The following DIP2C variants were observed in gnomAD, a reference collection of about 807,000 sequenced individuals.
DIP2C encodes DIP2 acetate--CoA ligase C (putative).
Under a neutral mutation model 192.4 loss-of-function variants are expected in DIP2C, and 33 were observed. The ratio of observed to expected loss-of-function variants is 0.17; its 90% CI spans 0.13 to 0.23. The LOEUF (loss-of-function observed/expected upper bound fraction) is 0.23. DIP2C is among the 10% of genes least tolerant of loss of function. DIP2C has a pLI of 1.00. For missense variants in DIP2C, 1,537 were observed against 2,110.1 expected, an observed-to-expected ratio of 0.73 and a Z score of 5.32; for synonymous variants, 979 against 864.1, an observed-to-expected ratio of 1.13 and a Z score of -2.33.
At chr10:668,406 TCATACAA>T (rs1020247752) in intron 1 of DIP2C, 3 of 151,202 alleles carry the variant, frequency 2.0e-5, no homozygotes, top group Admixed American at 6.6e-5. Context: ...TACAGCACAC[TCATACAA>T]CATACAACCC....
intron 1 of DIP2C, among the ~76,000 whole-genome samples, chr10:509,828 G>C (rs906221461): frequency 6.6e-6 from 1 of 152,058 alleles, no homozygotes; most frequent in Non-Finnish European, 1.5e-5. Context: ...AGCTTGGAGA[G>C]GACAGGGCCG....
rs1336325722 is a variant in DIP2C at position 370,947 on chromosome 10, G to A, written c.1992-1314C>T. On this transcript the variant is annotated intron_variant, in intron 17 of 36. Transcript: ENST00000280886. The stretch of plus-strand genomic sequence containing the variant: ...CTCTGGAAAAAGAATTATTCTAGAT[G>A]TAAGAATCAAAAAGGATAGAGCTAA... Among the ~76,000 whole-genome samples the A allele has an allele frequency of 2.6e-5, 4 of 152,192 alleles. No individual in the cohort carries two copies. The South Asian group carries it at 8.3e-4, about 32-fold the overall frequency.
chr10:614,845 A>G (rs1853340795), intron 1 of DIP2C, among the ~76,000 whole-genome samples: 1 of 152,220 alleles, frequency 6.6e-6, no homozygotes, highest in African/African-American at 2.4e-5. Flanking sequence ...CTGATCCAAC[A>G]CGTCATCATA....
rs369128226 is a variant in DIP2C, at chr10:295,327, C to T, written c.3987-6906G>A. On this transcript the variant is annotated intron_variant, in intron 32 of 36. Coordinates refer to ENST00000280886, the MANE Select transcript of DIP2C (RefSeq NM_014974.3). The stretch of plus-strand genomic sequence containing the variant: ...CTGTAATCCCAGCACTTTGGGAGGC[C>T]GAGGTGGGTGGATCACGAGGTCAGG... Among the ~76,000 whole-genome samples, 10 of 151,554 alleles carry T rather than the reference C, an allele frequency of 6.6e-5. No homozygotes were observed. In the East Asian group the frequency reaches 9.7e-4, roughly 15 times the overall value.
At chr10:436,399 G>A (rs1967203063) in intron 4 of DIP2C, among the ~76,000 whole-genome samples, 1 of 152,234 alleles carries the variant, frequency 6.6e-6, no homozygotes, top group Non-Finnish European at 1.5e-5. Flanking sequence ...ATTTGCTGCT[G>A]GTGTGGATGG....
intron 3 of DIP2C, among the ~76,000 whole-genome samples, chr10:463,250 C>T (rs1456551815): frequency 6.6e-6 from 1 of 152,132 alleles, no homozygotes; most frequent in Non-Finnish European, 1.5e-5. Flanking sequence ...TTAGAAAACC[C>T]CATCATCTCA....
rs758811396 is a variant in DIP2C at position 465,613 on chromosome 10, C to T, written c.268+6826G>A. ...AAGTCAAATTGTCCCTGTTTGCAGA[C>T]AACATGATTGTTTATCTAGAAAACC... On this transcript the variant is annotated intron_variant, in intron 3 of 36. Transcript: ENST00000280886. 8.7e-3 allele frequency among the ~76,000 whole-genome samples: 1,317 copies of T among 151,162 alleles called. 10 individuals carry two copies. Among genetic ancestry groups the T allele is most frequent in the Middle Eastern group, 0.014 (4 of 286 alleles).
chr10:415,185 T>A (rs902821267), intron 7 of DIP2C, among the ~76,000 whole-genome samples: 5 of 152,128 alleles, frequency 3.3e-5, no homozygotes, highest in African/African-American at 4.8e-5. Context: ...AATTATCTCT[T>A]CCATTTCTGG....
rs111941731 is a variant in DIP2C at position 532,544 on chromosome 10, T to TGA, written c.86-46016_86-46015dup. Reference sequence around the variant, plus strand: ...GTGGGTGTGTGAGAGAGTATGGGTGTGAGAGAGTATGGGTGAGAGAGAGAG... The same window carrying TGA: ...GTGGGTGTGTGAGAGAGTATGGGTGTGAGAGAGAGTATGGGTGAGAGAGAGAG... On this transcript the variant is annotated intron_variant, in intron 1 of 36. Coordinates refer to ENST00000280886, the MANE Select transcript of DIP2C (RefSeq NM_014974.3). Among the ~76,000 whole-genome samples the TGA allele has an allele frequency of 2.0e-3, 222 of 113,360 alleles. 3 individuals are homozygous for TGA. The highest frequency in any genetic ancestry group is 4.9e-3 in the East Asian group (17 of 3,474). 74.4% of individuals were successfully genotyped at this position (113,360 alleles called of 152,430 possible). A position where few individuals can be genotyped will look rare whatever the true frequency, so the allele number is the denominator to read the frequency against.
At chr10:545,165 C>CT (rs1564836000) in intron 1 of DIP2C, among the ~76,000 whole-genome samples, 4 of 91,892 alleles carry the variant, frequency 4.4e-5, no homozygotes, top group Admixed American at 1.1e-4. Context: ...TGGTGTTTTC[C>CT]CTTTTTTTTT....
intron 2 of DIP2C, among the ~76,000 whole-genome samples, chr10:474,152 T>A (rs949068080): frequency 7.9e-5 from 12 of 152,206 alleles, no homozygotes; most frequent in African/African-American, 2.7e-4. Context: ...AAGAGTATTA[T>A]CAAGTCTCAC....
chr10:481,254 A>G (rs1367077719), intron 2 of DIP2C, among the ~76,000 whole-genome samples: 4 of 152,250 alleles, frequency 2.6e-5, no homozygotes, highest in Admixed American at 1.3e-4. Context: ...AGACGACAGA[A>G]CAAAATGGCA....
At chr10:477,326 AG>A (rs1191101178) in intron 2 of DIP2C, among the ~76,000 whole-genome samples, 3 of 30 alleles carry the variant, frequency 0.1, no homozygotes, top group African/African-American at 0.25. Context: ...GAGGAGAGGG[AG>A]GGGGAGGGAG....
chr10:668,620 CA>C (rs1857259848), intron 1 of DIP2C: 1 of 152,270 alleles, frequency 6.6e-6, no homozygotes, highest in African/African-American at 2.4e-5. Flanking sequence ...AACACACATA[CA>C]ACCCATGCCA....
intron 1 of DIP2C, among the ~76,000 whole-genome samples, chr10:513,793 G>T (rs114894404): frequency 0.016 from 2,479 of 151,954 alleles, 71 homozygotes; most frequent in African/African-American, 0.057. Context: ...AATTTTAAAA[G>T]TCTCATTAAG....
At chr10:658,344 CCTGGACCTGCCCCTGGACCTGCCG>C (rs1313794063) in intron 1 of DIP2C, among the ~76,000 whole-genome samples, 5 of 139,176 alleles carry the variant, frequency 3.6e-5, no homozygotes, top group Admixed American at 3.5e-4. Context: ...TGGACCTGCC[CCTGGACCTGCCCCTGGACCTGCCG>C]CTGGACCTGA....
At chr10:284,478 C>G (rs1156750236) in intron 34 of DIP2C, among the ~76,000 whole-genome samples, 1 of 152,176 alleles carries the variant, frequency 6.6e-6, no homozygotes, top group East Asian at 1.9e-4. Flanking sequence ...AGACGTTGTG[C>G]TGAGTGAGAA....
chr10:327,574 T>A (rs1352840419), intron 30 of DIP2C, among the ~76,000 whole-genome samples: 1 of 152,122 alleles, frequency 6.6e-6, no homozygotes, highest in Non-Finnish European at 1.5e-5. Flanking sequence ...AAAATCTACA[T>A]GTAAAAGAGA....
At position 591,708 on chromosome 10, in the gene DIP2C, G is replaced by C. The variant is rs142553037; in HGVS notation, c.85+97786C>G. The stretch of plus-strand genomic sequence containing the variant: ...GGACGAAGCCACCAGCTAGGGACAT[G>C]AAGGCAGGAACCACCAAGGTAACCG... On this transcript the variant is annotated intron_variant, in intron 1 of 36. Transcript: ENST00000280886. Among the ~76,000 whole-genome samples the C allele has an allele frequency of 2.2e-3, 332 of 152,300 alleles. 4 individuals are homozygous for C. The highest frequency in any genetic ancestry group is 7.1e-3 in the African/African-American group (295 of 41,564).
Sources: gnomAD v4.1 joint callset for allele counts (sites outside exome capture counted in the v4.1 genomes callset) on GRCh38, gnomAD v4.1.1 for gene constraint, MANE v1.5 for transcripts, NCBI Gene and HGNC (gene_info 2026-07-23, HGNC 2026-07-21) for gene names.